ADAMTSL1: variants seen among roughly 807,000 people sequenced by gnomAD.
ADAMTSL1 encodes ADAMTS like 1.
In ADAMTSL1, 126 loss-of-function variants were observed where a neutral mutation model predicts 201.8. That is an observed-to-expected ratio of 0.62 (90% CI 0.54 to 0.72). ADAMTSL1 has a LOEUF of 0.72. Among genes scored for constraint, ADAMTSL1 ranks in the 30% least tolerant of loss-of-function variants. The probability of loss-of-function intolerance (pLI) is 0.00; values close to 1 mark genes in which losing one functional copy is unlikely to be tolerated. For missense variants in ADAMTSL1, 2,679 were observed against 2,277.8 expected (o/e 1.18, Z -3.59); for synonymous variants, 1,121 against 903.4 (o/e 1.24, Z -4.32).
intron 2 of ADAMTSL1, among the ~76,000 whole-genome samples, chr9:18,282,165 G>T (rs145112608): frequency 2.0e-5 from 3 of 152,220 alleles, no homozygotes; most frequent in Non-Finnish European, 4.4e-5. Flanking sequence ...TGTACCCATT[G>T]TTGGTTCTCT....
At chr9:18,314,634 A>G (rs1834291462) in intron 2 of ADAMTSL1, among the ~76,000 whole-genome samples, 1 of 151,398 alleles carries the variant, frequency 6.6e-6, no homozygotes, top group Non-Finnish European at 1.5e-5. Flanking sequence ...GAAGCTGCAG[A>G]CCTTTGCGGT....
intron 1 of ADAMTSL1, among the ~76,000 whole-genome samples, chr9:18,055,630 C>T (rs555661534): frequency 3.9e-5 from 6 of 152,318 alleles, no homozygotes; most frequent in East Asian, 1.9e-4. Flanking sequence ...CACGAGGAGT[C>T]GTAAGCACAT....
At chr9:18,770,067 C>T (rs369793050) in intron 16 of ADAMTSL1, among the ~76,000 whole-genome samples, 24 of 152,272 alleles carry the variant, frequency 1.6e-4, no homozygotes, top group African/African-American at 5.3e-4. Flanking sequence ...AATCATCAGT[C>T]CTGCAAGAAG....
intron 7 of ADAMTSL1, among the ~76,000 whole-genome samples, chr9:18,646,316 ACAAT>A (rs1827809457): frequency 6.6e-6 from 1 of 152,198 alleles, no homozygotes; most frequent in African/African-American, 2.4e-5. Context: ...TTCTAGATAT[ACAAT>A]CATGTCATCT....
At chr9:18,051,564 A>G (rs1318036337) in intron 1 of ADAMTSL1, among the ~76,000 whole-genome samples, 6 of 151,430 alleles carry the variant, frequency 4.0e-5, no homozygotes, top group Non-Finnish European at 8.8e-5. Flanking sequence ...TTTTTTTTTA[A>G]ATACAAGGAA....
chr9:18,526,889 A>G (rs1468032690), intron 2 of ADAMTSL1, among the ~76,000 whole-genome samples: 2 of 152,184 alleles, frequency 1.3e-5, no homozygotes, highest in African/African-American at 4.8e-5. Context: ...TCCACAGTCT[A>G]AATGGCCCAG....
intron 23 of ADAMTSL1, among the ~76,000 whole-genome samples, chr9:18,874,541 A>G (rs191029622): frequency 3.5e-4 from 53 of 152,046 alleles, no homozygotes; most frequent in Admixed American, 3.5e-3. Context: ...CATCAATTGA[A>G]ATCATGGGAT....
At chr9:18,908,250 G>A (rs1231698568) in intron 28 of ADAMTSL1, 192 bp from the exon 29 acceptor site, 1 of 607,430 alleles carries the variant, frequency 1.6e-6, no homozygotes, top group Non-Finnish European at 3.0e-6. Flanking sequence ...TGCCACCCCT[G>A]CTGTTGGCAG....
chr9:18,768,601 A>C lies in ADAMTSL1; in HGVS notation c.2218-2001A>C, dbSNP rs564518141. On this transcript the variant is annotated intron_variant, in intron 16 of 28. Transcript: ENST00000380548. The stretch of plus-strand genomic sequence containing the variant: ...TACATCCTTTTTCCTAGGGGACTCA[A>C]TTATTTTTTTAAATTTGAAATGAAA... Among the ~76,000 whole-genome samples the C allele has an allele frequency of 5.9e-5, 9 of 152,058 alleles. No homozygotes were observed. In the South Asian group the frequency reaches 1.9e-3, roughly 32 times the overall value.
At chr9:18,886,201 T>TAC (rs1828871244) in intron 23 of ADAMTSL1, among the ~76,000 whole-genome samples, 5 of 128,550 alleles carry the variant, frequency 3.9e-5, no homozygotes, top group African/African-American at 1.5e-4. Flanking sequence ...TATATATATA[T>TAC]ATATATATAT....
At chr9:18,308,875 A>G (rs1834009372) in intron 2 of ADAMTSL1, among the ~76,000 whole-genome samples, 1 of 152,210 alleles carries the variant, frequency 6.6e-6, no homozygotes, top group Non-Finnish European at 1.5e-5. Context: ...TGGCAGAGAC[A>G]TAGCAAAAAA....
chr9:18,282,300 A>T (rs192761444), intron 2 of ADAMTSL1, among the ~76,000 whole-genome samples: 1 of 152,146 alleles, frequency 6.6e-6, no homozygotes, highest in East Asian at 1.9e-4. Context: ...AATTTTCTGT[A>T]TCCAGTCAAC....
intron 1 of ADAMTSL1, among the ~76,000 whole-genome samples, chr9:18,007,230 A>G (rs565572546): frequency 6.6e-6 from 1 of 152,028 alleles, no homozygotes; most frequent in Non-Finnish European, 1.5e-5. Flanking sequence ...ACCTCATGGA[A>G]CATTGGTATT....
intron 2 of ADAMTSL1, among the ~76,000 whole-genome samples, chr9:18,511,756 C>T (rs1818036368): frequency 6.6e-6 from 1 of 152,082 alleles, no homozygotes; most frequent in Non-Finnish European, 1.5e-5. Context: ...CTAATATAGG[C>T]TTTAGTTAGC....
chr9:18,397,771 T>C (rs1194546758), intron 2 of ADAMTSL1, among the ~76,000 whole-genome samples: 1 of 152,136 alleles, frequency 6.6e-6, no homozygotes, highest in Non-Finnish European at 1.5e-5. Context: ...CAAAAGTTAG[T>C]GTTTGTCTAT....
intron 23 of ADAMTSL1, among the ~76,000 whole-genome samples, chr9:18,837,578 G>A (rs912512467): frequency 1.3e-5 from 2 of 152,168 alleles, no homozygotes; most frequent in Admixed American, 6.5e-5. Flanking sequence ...CTTTTAAGTG[G>A]TTCTTCCCCT....
upstream of ADAMTSL1, among the ~76,000 whole-genome samples, chr9:18,471,035 T>C (rs966720602): frequency 1.3e-5 from 2 of 152,218 alleles, no homozygotes; most frequent in African/African-American, 4.8e-5. Flanking sequence ...TTTCCCCGGT[T>C]GCCATTAATA....
chr9:18,422,716 A>C (rs867810652), intron 2 of ADAMTSL1, among the ~76,000 whole-genome samples: 35 of 152,216 alleles, frequency 2.3e-4, no homozygotes, highest in African/African-American at 8.2e-4. Flanking sequence ...GAATTCATCA[A>C]AGGGCGTAGA....
At chr9:18,048,209 T>G (rs1304557605) in intron 1 of ADAMTSL1, among the ~76,000 whole-genome samples, 1 of 152,200 alleles carries the variant, frequency 6.6e-6, no homozygotes, top group African/African-American at 2.4e-5. Flanking sequence ...TGAAAAACAG[T>G]TTATTTTTTC....
Sources: allele counts gnomAD v4.1 joint callset (sites outside exome capture counted in the v4.1 genomes callset), GRCh38; gene constraint gnomAD v4.1.1; transcripts MANE v1.5; gene names NCBI Gene and HGNC (gene_info 2026-07-23, HGNC 2026-07-21).